The following RPL37 variants were observed in gnomAD, a reference collection of about 807,000 sequenced individuals.
RPL37 encodes large ribosomal subunit protein eL37.
In RPL37, 1 loss-of-function variant was observed where a neutral mutation model predicts 14.8. The observed-to-expected ratio is 0.07, with a 90% confidence interval of 0.02 to 0.32. RPL37 has a LOEUF of 0.32. Among genes scored for constraint, RPL37 ranks in the 10% least tolerant of loss-of-function variants. The pLI is 1.00. For missense variants in RPL37, 100 were observed against 128.3 expected, an observed-to-expected ratio of 0.78 and a Z score of 1.06; for synonymous variants, 53 against 45.8, an observed-to-expected ratio of 1.16 and a Z score of -0.63.
Position 40,825,885 on chromosome 5 carries a change from T to G in RPL37, c.*6619A>C, listed in dbSNP as rs949145747. On this transcript the variant is annotated 3_prime_UTR_variant, in exon 4 of 4. Coordinates refer to ENST00000274242, the MANE Select transcript of RPL37 (RefSeq NM_000997.5). Reference sequence around the variant, plus strand: ...TGCACCTGGCTAATTTTTGTATTTTTAGTGGAGACGGGGTTTCGCCATGTT... The same window carrying G: ...TGCACCTGGCTAATTTTTGTATTTTGAGTGGAGACGGGGTTTCGCCATGTT... 6.6e-6 allele frequency: 1 copy of G among 152,264 alleles called. No homozygotes were observed. The highest frequency in any genetic ancestry group is 1.5e-5 in the Non-Finnish European group (1 of 68,118). The allele number at this position is 152,264 out of a possible 1,614,324, so 9.4% of individuals were successfully genotyped here. A position where few individuals can be genotyped will look rare whatever the true frequency, so the allele number is the denominator to read the frequency against.
chr5:40,834,089 A>C, intron 3 of RPL37, 92 bp downstream of exon 3: 4 of 894,164 alleles, frequency 4.5e-6, no homozygotes, highest in Non-Finnish European at 7.4e-6. Context: ...CATCCCCAGT[A>C]ACCATCAGGG....
intron 2 of RPL37, 87 bp downstream of exon 2, chr5:40,834,384 G>A (rs1156447342): frequency 3.2e-5 from 50 of 1,576,284 alleles, no homozygotes; most frequent in Non-Finnish European, 4.3e-5. Flanking sequence ...TTTTAAGATA[G>A]GCACCAAATA....
rs962899496 is a variant in RPL37, at chr5:40,825,780, A to G, written c.*6724T>C. On this transcript the variant is annotated 3_prime_UTR_variant, in exon 4 of 4. Coordinates refer to ENST00000274242, the MANE Select transcript of RPL37 (RefSeq NM_000997.5). ...GAGTGCAGTGGTGCAATCTCAGCTC[A>G]CTGCAGTCTCAACTTCCTGGGCTCA... 2.0e-4 allele frequency: 31 copies of G among 151,988 alleles called. No homozygotes were observed. The highest frequency in any genetic ancestry group is 7.3e-4 in the African/African-American group (30 of 41,216). The allele number at this position is 151,988 out of a possible 1,614,324, so 9.4% of individuals were successfully genotyped here.
chr5:40,832,803 CAA>C lies in RPL37; in HGVS notation c.225-232_225-231del, dbSNP rs1203649742. ...GTTAACTGCAACTGCAATAAAGGCT[CAA>C]AAACTTATTTGGCTATACTAGTCAT... is the stretch of plus-strand genomic sequence containing the variant. On this transcript the variant is annotated intron_variant, in intron 3 of 3. Transcript: ENST00000274242. 8.3e-6 allele frequency: 5 copies of C among 601,882 alleles called. No individual in the cohort carries two copies. In the African/African-American group the frequency reaches 9.2e-5, roughly 11 times the overall value. The allele number at this position is 601,882 out of a possible 1,614,324, so 37.3% of individuals were successfully genotyped here. A position where few individuals can be genotyped will look rare whatever the true frequency, so the allele number is the denominator to read the frequency against.
rs1156294914 is a variant in RPL37 at position 40,829,634 on chromosome 5, C to T, written c.*2870G>A. On this transcript the variant is annotated 3_prime_UTR_variant, in exon 4 of 4. Coordinates refer to ENST00000274242, the MANE Select transcript of RPL37 (RefSeq NM_000997.5). ...GACAAACTCCTTTCCAATGCTCTCA[C>T]AGAAACTCATGCATTTATCCATCAT... The T allele has an allele frequency of 6.6e-6, 1 of 151,788 alleles. No individual in the cohort carries two copies. The highest frequency in any genetic ancestry group is 2.4e-5 in the African/African-American group (1 of 41,288). 9.4% of individuals were successfully genotyped at this position (151,788 alleles called of 1,614,324 possible).
chr5:40,835,143 G>A, intron 1 of RPL37, 40 bp downstream of exon 1: 1 of 1,613,852 alleles, frequency 6.2e-7, no homozygotes, highest in Non-Finnish European at 8.5e-7. Context: ...CAAAGGACGA[G>A]GATGGAACGC....
At chr5:40,834,437 A>G in intron 2 of RPL37, 34 bp downstream of exon 2, 4 of 1,605,334 alleles carry the variant, frequency 2.5e-6, no homozygotes, top group Non-Finnish European at 3.4e-6. Flanking sequence ...TACAAACAAA[A>G]GCTAACACAG....
rs1316747692 is a variant in RPL37 at position 40,826,153 on chromosome 5, A to G, written c.*6351T>C. On this transcript the variant is annotated 3_prime_UTR_variant, in exon 4 of 4. Coordinates refer to ENST00000274242, the MANE Select transcript of RPL37 (RefSeq NM_000997.5). ...TCATATAACACTCCTCAGGAGTTCA[A>G]ATAATTTTAATCATTTTTAAGGCAA... The G allele has an allele frequency of 3.3e-5, 5 of 152,306 alleles. No individual in the cohort carries two copies. In the East Asian group the frequency reaches 9.6e-4, roughly 29 times the overall value. 9.4% of individuals were successfully genotyped at this position (152,306 alleles called of 1,614,324 possible). A position where few individuals can be genotyped will look rare whatever the true frequency, so the allele number is the denominator to read the frequency against.
chr5:40,832,789 C>G, intron 3 of RPL37: 1 of 649,264 alleles, frequency 1.5e-6, no homozygotes, highest in Non-Finnish European at 2.9e-6. Context: ...TTAACTGCAA[C>G]TGCAATAAAG....
rs181391002 is a variant in RPL37 at position 40,832,471 on chromosome 5, G to T, written c.*33C>A. 2.5e-6 allele frequency: 4 copies of T among 1,577,566 alleles called. No individual in the cohort carries two copies. The African/African-American group carries it at 5.4e-5, about 21-fold the overall frequency. The stretch of plus-strand genomic sequence containing the variant: ...ACCAGATATGTATTTTTTAAAACCA[G>T]AACATTTATTGCATGACTAATCGTT... On this transcript the variant is annotated 3_prime_UTR_variant, in exon 4 of 4. Coordinates refer to ENST00000274242, the MANE Select transcript of RPL37 (RefSeq NM_000997.5).
rs776024229 is a variant in RPL37 at position 40,835,208 on chromosome 5, G to A, written c.-23C>T. ...CATCTCGCTTCTGCGGCCGAGACCA[G>A]AAAGACCGGAAGAGAAGGCACTTCC... On this transcript the variant is annotated 5_prime_UTR_variant, in exon 1 of 4. Coordinates refer to ENST00000274242, the MANE Select transcript of RPL37 (RefSeq NM_000997.5). 6.8e-6 allele frequency: 11 copies of A among 1,613,942 alleles called. No homozygotes were observed. The highest frequency in any genetic ancestry group is 3.3e-5 in the Admixed American group (2 of 60,020).
At position 40,825,872 on chromosome 5, in the gene RPL37, A is replaced by T. The variant is rs578159767; in HGVS notation, c.*6632T>A. 5.3e-5 allele frequency: 8 copies of T among 152,134 alleles called. No individual in the cohort carries two copies. The highest frequency in any genetic ancestry group is 1.9e-4 in the African/African-American group (8 of 41,466). The allele number at this position is 152,134 out of a possible 1,614,324, so 9.4% of individuals were successfully genotyped here. On this transcript the variant is annotated 3_prime_UTR_variant, in exon 4 of 4. Transcript: ENST00000274242. ...AGGTGTGTGCCACTGCACCTGGCTA[A>T]TTTTTGTATTTTTAGTGGAGACGGG...
At chr5:40,832,823 C>T (rs908074565) in intron 3 of RPL37, 1 of 531,610 alleles carries the variant, frequency 1.9e-6, no homozygotes, top group African/African-American at 1.9e-5. Flanking sequence ...TTTGGCTATA[C>T]TAGTCATTGG....
Position 40,834,331 on chromosome 5 carries a change from C to T in RPL37, c.140-66G>A, listed in dbSNP as rs39794. The stretch of plus-strand genomic sequence containing the variant: ...CCACACACCTTGTAGGTGTTGTTAA[C>T]ACACGAGTTTTATGCCACCTCATCG... On this transcript the variant is annotated intron_variant, in intron 2 of 3. Coordinates refer to ENST00000274242, the MANE Select transcript of RPL37 (RefSeq NM_000997.5). 1,423 of 1,572,512 alleles carry T rather than the reference C, an allele frequency of 9.0e-4. 22 individuals carry two copies. In the East Asian group the frequency reaches 0.028, roughly 30 times the overall value.
At chr5:40,832,815 T>C (rs1290776532) in intron 3 of RPL37, 1 of 560,206 alleles carries the variant, frequency 1.8e-6, no homozygotes, top group African/African-American at 1.9e-5. Flanking sequence ...AAAACTTATT[T>C]GGCTATACTA....
At chr5:40,834,693 T>G (rs1261632547) in intron 1 of RPL37, 87 bp from the exon 2 acceptor site, 3 of 1,437,252 alleles carry the variant, frequency 2.1e-6, no homozygotes, top group East Asian at 2.3e-5. Flanking sequence ...CTGATAAAAT[T>G]TAAAGGCAAT....
At chr5:40,834,726 G>C in intron 1 of RPL37, 120 bp from the exon 2 acceptor site, 1 of 1,170,768 alleles carries the variant, frequency 8.5e-7, no homozygotes, top group Non-Finnish European at 1.2e-6. Context: ...AACTGCGGGA[G>C]AAGCCTCTTT....
chr5:40,825,447 G>C lies in RPL37; in HGVS notation c.*7057C>G, dbSNP rs370484244. ...GCATTGTGCTGTGCTGCCTCACAGGGGTACGTTCCCAGAGGTTTCTCTCTC... is the reference window on the plus strand; with the variant it reads ...GCATTGTGCTGTGCTGCCTCACAGGCGTACGTTCCCAGAGGTTTCTCTCTC... On this transcript the variant is annotated 3_prime_UTR_variant, in exon 4 of 4. Coordinates refer to ENST00000274242, the MANE Select transcript of RPL37 (RefSeq NM_000997.5). 6.6e-6 allele frequency: 1 copy of C among 152,126 alleles called. No individual in the cohort carries two copies. Among genetic ancestry groups the C allele is most frequent in the African/African-American group, 2.4e-5 (1 of 41,436 alleles). The allele number at this position is 152,126 out of a possible 1,614,324, so 9.4% of individuals were successfully genotyped here.
At position 40,827,983 on chromosome 5, in the gene RPL37, A is replaced by G. The variant is rs985040010; in HGVS notation, c.*4521T>C. 6.6e-6 allele frequency: 1 copy of G among 152,170 alleles called. No homozygotes were observed. The highest frequency in any genetic ancestry group is 6.5e-5 in the Admixed American group (1 of 15,280). The allele number at this position is 152,170 out of a possible 1,614,324, so 9.4% of individuals were successfully genotyped here. A position where few individuals can be genotyped will look rare whatever the true frequency, so the allele number is the denominator to read the frequency against. ...TTAAAAAAAAATAAAACACCTAAAT[A>G]TAATCCAAATGTGCTAATAAATGTG... On this transcript the variant is annotated 3_prime_UTR_variant, in exon 4 of 4. Coordinates refer to ENST00000274242, the MANE Select transcript of RPL37 (RefSeq NM_000997.5).
Sources: gnomAD v4.1 joint callset for allele counts on GRCh38, gnomAD v4.1.1 for gene constraint, MANE v1.5 for transcripts, NCBI Gene and HGNC (gene_info 2026-07-23, HGNC 2026-07-21) for gene names.